SORCS1: variants seen among roughly 807,000 people sequenced by gnomAD.
The protein encoded by SORCS1 is VPS10 domain-containing receptor SorCS1.
Under a neutral mutation model 146.1 loss-of-function variants are expected in SORCS1, and 60 were observed. The observed-to-expected ratio is 0.41, with a 90% CI of 0.33 to 0.51. The LOEUF (loss-of-function observed/expected upper bound fraction) is 0.51, where lower values mean the gene tolerates loss of function less well. SORCS1 is among the 20% of genes least tolerant of loss of function. The pLI, the probability that SORCS1 is intolerant of heterozygous loss-of-function variation, is 0.21. For missense variants in SORCS1, 1,352 were observed against 1,487.6 expected, an observed-to-expected ratio of 0.91 and a Z score of 1.50; for synonymous variants, 637 against 584.0, an observed-to-expected ratio of 1.09 and a Z score of -1.31.
At chr10:106,753,011 A>T (rs1858373001) in intron 5 of SORCS1, among the ~76,000 whole-genome samples, 1 of 152,138 alleles carries the variant, frequency 6.6e-6, no homozygotes, top group Non-Finnish European at 1.5e-5. Context: ...ATTCATTTTG[A>T]AGTTTTTTGC....
chr10:106,656,426 C>T lies in SORCS1; in HGVS notation c.2304-3873G>A, dbSNP rs374936685. On this transcript the variant is annotated intron_variant, in intron 17 of 25. Transcript: ENST00000263054. ...ATTAGCCGGGCTTGCTGGCGGGCGCCTGTAGTCCCAGCTACTCTACTCGGG... is the reference window on the plus strand; with the variant it reads ...ATTAGCCGGGCTTGCTGGCGGGCGCTTGTAGTCCCAGCTACTCTACTCGGG... 2.4e-3 allele frequency among the ~76,000 whole-genome samples: 362 copies of T among 152,242 alleles called. 2 individuals carry two copies. Among genetic ancestry groups the T allele is most frequent in the African/African-American group, 8.5e-3 (352 of 41,538 alleles).
intron 20 of SORCS1, 29 bp from the exon 21 acceptor site, chr10:106,618,301 G>A (rs761981138): frequency 3.8e-6 from 6 of 1,599,172 alleles, no homozygotes; most frequent in Admixed American, 1.7e-5. Flanking sequence ...CAGAGTGAAG[G>A]GAAAGCTCTT....
At chr10:106,671,492 G>A in intron 15 of SORCS1, 125 bp from the exon 16 acceptor site, 1 of 1,356,206 alleles carries the variant, frequency 7.4e-7, no homozygotes, top group South Asian at 1.4e-5. Flanking sequence ...AGCCCTCTTT[G>A]TGCTAACAAC....
intron 22 of SORCS1, among the ~76,000 whole-genome samples, chr10:106,611,627 T>C (rs1023374952): frequency 6.6e-6 from 1 of 152,094 alleles, no homozygotes; most frequent in Non-Finnish European, 1.5e-5. Flanking sequence ...ACAAAGGAGT[T>C]TAGGATGTAC....
chr10:106,623,591 G>A (rs1847891844), intron 19 of SORCS1, among the ~76,000 whole-genome samples: 1 of 152,052 alleles, frequency 6.6e-6, no homozygotes, highest in South Asian at 2.1e-4. Context: ...ATGCCTATAT[G>A]TCATTGTCTC....
At chr10:106,622,816 C>G (rs771222613) in intron 19 of SORCS1, among the ~76,000 whole-genome samples, 42 of 152,184 alleles carry the variant, frequency 2.8e-4, no homozygotes, top group Non-Finnish European at 5.9e-4. Context: ...GGTCATACAG[C>G]TAGGAAAGCA....
At chr10:106,838,646 T>C (rs1948891917) in intron 2 of SORCS1, among the ~76,000 whole-genome samples, 1 of 152,234 alleles carries the variant, frequency 6.6e-6, no homozygotes, top group Non-Finnish European at 1.5e-5. Context: ...CTCTCCATAG[T>C]TTTGCCCTTT....
chr10:107,142,786 G>T (rs1207168287), intron 1 of SORCS1, among the ~76,000 whole-genome samples: 1 of 152,132 alleles, frequency 6.6e-6, no homozygotes, highest in Non-Finnish European at 1.5e-5. Flanking sequence ...TAAGGCCTTG[G>T]TTATTGTCCA....
Position 106,895,698 on chromosome 10 carries a change from G to T in SORCS1, c.626+60815C>A, listed in dbSNP as rs565489493. Among the ~76,000 whole-genome samples the T allele has an allele frequency of 2.2e-3, 333 of 152,240 alleles. 1 individual carries two copies. Among genetic ancestry groups the T allele is most frequent in the African/African-American group, 7.4e-3 (307 of 41,538 alleles). ...ATAATGTTGGTGAGACTACAAAACG[G>T]TACAACCACTATGGAAAATGGTATG... On this transcript the variant is annotated intron_variant, in intron 2 of 25. Coordinates refer to ENST00000263054, the MANE Select transcript of SORCS1 (RefSeq NM_052918.5).
chr10:106,835,164 C>A (rs1471176189), intron 2 of SORCS1, among the ~76,000 whole-genome samples: 1 of 152,166 alleles, frequency 6.6e-6, no homozygotes, highest in African/African-American at 2.4e-5. Flanking sequence ...GTGGCAAAAT[C>A]TCCTATCACG....
intron 8 of SORCS1, among the ~76,000 whole-genome samples, chr10:106,706,038 G>A (rs147242435): frequency 2.8e-4 from 43 of 152,278 alleles, no homozygotes; most frequent in Non-Finnish European, 1.6e-4. Context: ...GAAATGGACG[G>A]CAGCTGTTGC....
chr10:106,774,719 G>T (rs894989064), intron 4 of SORCS1, among the ~76,000 whole-genome samples: 2 of 152,084 alleles, frequency 1.3e-5, no homozygotes, highest in African/African-American at 4.8e-5. Context: ...CCAGTCCCTT[G>T]TATATAATAT....
intron 2 of SORCS1, among the ~76,000 whole-genome samples, chr10:106,888,557 G>T (rs1161515794): frequency 6.6e-6 from 1 of 152,180 alleles, no homozygotes; most frequent in Non-Finnish European, 1.5e-5. Context: ...TTACTAGTGG[G>T]AAATCAATTA....
chr10:106,762,066 C>A (rs375211878), intron 4 of SORCS1, among the ~76,000 whole-genome samples: 10 of 152,304 alleles, frequency 6.6e-5, no homozygotes, highest in East Asian at 3.9e-4. Flanking sequence ...GCAATGTAAC[C>A]TGAACCTGGC....
chr10:106,828,132 C>T (rs1337151723), intron 3 of SORCS1, among the ~76,000 whole-genome samples: 6 of 152,114 alleles, frequency 3.9e-5, no homozygotes, highest in East Asian at 1.9e-4. Flanking sequence ...CCTTTTAAAC[C>T]GAATCCCACT....
chr10:106,891,387 C>T (rs1050556406), intron 2 of SORCS1, among the ~76,000 whole-genome samples: 2 of 152,020 alleles, frequency 1.3e-5, no homozygotes, highest in Non-Finnish European at 2.9e-5. Context: ...GAAAATACCC[C>T]TTGTACAGTG....
chr10:106,737,585 C>T (rs1857043775), intron 5 of SORCS1, among the ~76,000 whole-genome samples: 2 of 152,006 alleles, frequency 1.3e-5, no homozygotes, highest in East Asian at 1.9e-4. Context: ...ATTAGCCAGG[C>T]GTGGTGGCAC....
At chr10:107,019,402 A>G (rs1958037039) in intron 1 of SORCS1, among the ~76,000 whole-genome samples, 1 of 152,136 alleles carries the variant, frequency 6.6e-6, no homozygotes, top group Non-Finnish European at 1.5e-5. Flanking sequence ...ATTCATTTTT[A>G]TTGACAGAAT....
intron 5 of SORCS1, among the ~76,000 whole-genome samples, chr10:106,732,242 T>C (rs1856651209): frequency 1.3e-5 from 2 of 152,222 alleles, no homozygotes; most frequent in Admixed American, 6.5e-5. Context: ...GGTCTCATAA[T>C]TTCCCTCATA....
Sources: allele counts gnomAD v4.1 joint callset (sites outside exome capture counted in the v4.1 genomes callset), GRCh38; gene constraint gnomAD v4.1.1; transcripts MANE v1.5; gene names NCBI Gene and HGNC (gene_info 2026-07-23, HGNC 2026-07-21).